The following PCSK6 variants were observed in gnomAD, a reference collection of about 807,000 sequenced individuals.
The protein encoded by PCSK6 is paired basic amino acid cleaving enzyme 4.
In PCSK6, 85 loss-of-function variants were observed where a neutral mutation model predicts 123.3. The ratio of observed to expected loss-of-function variants is 0.69; its 90% confidence interval spans 0.58 to 0.83. The LOEUF is 0.83. Ranked by LOEUF, PCSK6 falls within the 40% of genes least tolerant of loss-of-function variation. PCSK6 has a pLI of 0.00. For missense variants in PCSK6, 1,191 were observed against 1,282.3 expected (o/e 0.93, Z 1.09); for synonymous variants, 508 against 516.0 (o/e 0.98, Z 0.21).
In PCSK6 at chr15:101,309,863, A is replaced by AT. The variant is rs1409537079; in HGVS notation, c.2700-2539dup. ...CCCTCTCTTAGGGAACTTATCGTGC[A>AT]TTGTTCTCAGCGTCGGGCCTCGGCC... On this transcript the variant is annotated intron_variant, in intron 20 of 21. Transcript: ENST00000611716. Among the ~76,000 whole-genome samples the AT allele has an allele frequency of 2.0e-5, 3 of 151,688 alleles. No homozygotes were observed. In the East Asian group the frequency reaches 5.8e-4, roughly 29 times the overall value.
At chr15:101,486,294 G>A (rs747983462) in intron 1 of PCSK6, among the ~76,000 whole-genome samples, 1 of 152,098 alleles carries the variant, frequency 6.6e-6, no homozygotes, top group Admixed American at 6.6e-5. Context: ...AATATTTTAT[G>A]TTTCTCTATA....
intron 7 of PCSK6, among the ~76,000 whole-genome samples, chr15:101,396,252 G>T (rs570457081): frequency 3.3e-4 from 50 of 152,268 alleles, no homozygotes; most frequent in African/African-American, 1.2e-3. Context: ...CTGACAGCTG[G>T]ATGAAACCAA....
chr15:101,454,483 G>A (rs974640469), intron 1 of PCSK6, among the ~76,000 whole-genome samples: 10 of 152,280 alleles, frequency 6.6e-5, no homozygotes, highest in African/African-American at 9.6e-5. Context: ...CAACACAGAT[G>A]AGCCTGGAGG....
intron 2 of PCSK6, among the ~76,000 whole-genome samples, chr15:101,438,256 T>A (rs1044876250): frequency 1.3e-5 from 2 of 152,238 alleles, no homozygotes; most frequent in Non-Finnish European, 2.9e-5. Context: ...ACCTCTGTTA[T>A]TTTAGCTTCA....
intron 11 of PCSK6, among the ~76,000 whole-genome samples, chr15:101,378,622 G>A (rs1436609088): frequency 6.6e-6 from 1 of 152,208 alleles, no homozygotes; most frequent in Non-Finnish European, 1.5e-5. Context: ...ACGATCCCGT[G>A]GTACCTTGGA....
At chr15:101,317,179 C>G (rs984444118) in intron 19 of PCSK6, among the ~76,000 whole-genome samples, 1 of 152,034 alleles carries the variant, frequency 6.6e-6, no homozygotes, top group Non-Finnish European at 1.5e-5. Context: ...CCCAAAGTGC[C>G]GGGATTACAG....
intron 6 of PCSK6, among the ~76,000 whole-genome samples, chr15:101,411,058 A>G (rs1304129583): frequency 6.6e-6 from 1 of 152,240 alleles, no homozygotes; most frequent in Admixed American, 6.5e-5. Context: ...AATAAAACTT[A>G]GAACGAACAA....
chr15:101,390,997 G>C (rs2042218625), intron 8 of PCSK6, among the ~76,000 whole-genome samples: 1 of 147,520 alleles, frequency 6.8e-6, no homozygotes, highest in African/African-American at 2.5e-5. Flanking sequence ...ATCCTCTTCC[G>C]AACTCAGCAC....
At chr15:101,378,265 C>T (rs1225089293) in intron 11 of PCSK6, among the ~76,000 whole-genome samples, 1 of 152,222 alleles carries the variant, frequency 6.6e-6, no homozygotes, top group East Asian at 1.9e-4. Flanking sequence ...GTTTAATTGA[C>T]AAAGGTTCTA....
chr15:101,391,492 C>T (rs1474379512), intron 8 of PCSK6, among the ~76,000 whole-genome samples: 2 of 152,228 alleles, frequency 1.3e-5, no homozygotes, highest in African/African-American at 4.8e-5. Flanking sequence ...ACGCCTGGGA[C>T]ACAGCTCGTG....
intron 13 of PCSK6, among the ~76,000 whole-genome samples, chr15:101,355,623 G>T (rs2041014043): frequency 6.6e-6 from 1 of 152,248 alleles, no homozygotes; most frequent in Non-Finnish European, 1.5e-5. Flanking sequence ...TGCAGACAAG[G>T]TAAGTGTGTG....
intron 1 of PCSK6, among the ~76,000 whole-genome samples, chr15:101,477,761 G>A (rs1215722087): frequency 2.0e-5 from 3 of 152,164 alleles, no homozygotes; most frequent in Non-Finnish European, 4.4e-5. Flanking sequence ...CTCCTCTTGG[G>A]ATCTGGTTCT....
chr15:101,479,862 A>G lies in PCSK6; in HGVS notation c.297+9512T>C, dbSNP rs537341639. On this transcript the variant is annotated intron_variant, in intron 1 of 21. Coordinates refer to ENST00000611716, the MANE Select transcript of PCSK6 (RefSeq NM_002570.5). ...TTGGGCCTTTTGAAGGCAAGAAGGA[A>G]GCTCTTGTAAGTGACCACTGCTGGG... Among the ~76,000 whole-genome samples the G allele has an allele frequency of 1.3e-3, 202 of 152,316 alleles. 2 individuals carry two copies. Among genetic ancestry groups the G allele is most frequent in the African/African-American group, 4.7e-3 (195 of 41,584 alleles).
intron 2 of PCSK6, among the ~76,000 whole-genome samples, chr15:101,442,158 C>T (rs1010108363): frequency 2.0e-5 from 3 of 152,170 alleles, no homozygotes; most frequent in South Asian, 2.1e-4. Context: ...CACAAGTAGA[C>T]GTAATCTCAC....
chr15:101,451,906 A>G (rs1596347754), intron 1 of PCSK6, among the ~76,000 whole-genome samples: 1 of 152,258 alleles, frequency 6.6e-6, no homozygotes. Flanking sequence ...ACCTATATTT[A>G]GCCAGCACTG....
intron 7 of PCSK6, among the ~76,000 whole-genome samples, chr15:101,397,155 G>A (rs1016560812): frequency 2.6e-5 from 4 of 152,102 alleles, no homozygotes; most frequent in Non-Finnish European, 4.4e-5. Flanking sequence ...CAGGGCTAGG[G>A]GTCTCCTGAG....
chr15:101,364,961 C>T (rs1242467200), intron 13 of PCSK6: 4 of 776,300 alleles, frequency 5.2e-6, no homozygotes, highest in East Asian at 2.4e-5. Flanking sequence ...GATAGATATA[C>T]AGACCAATGG....
intron 1 of PCSK6, among the ~76,000 whole-genome samples, chr15:101,463,226 A>T (rs1205332863): frequency 6.6e-6 from 1 of 152,092 alleles, no homozygotes; most frequent in East Asian, 1.9e-4. Flanking sequence ...GGAAACAGAA[A>T]ATGGGAGAGA....
At chr15:101,396,826 G>A (rs1049286225) in intron 7 of PCSK6, among the ~76,000 whole-genome samples, 3 of 152,124 alleles carry the variant, frequency 2.0e-5, no homozygotes, top group African/African-American at 7.2e-5. Flanking sequence ...TGCTGTGTGC[G>A]TGCGTGTGTG....
Sources: gnomAD v4.1 joint callset for allele counts (sites outside exome capture counted in the v4.1 genomes callset) on GRCh38, gnomAD v4.1.1 for gene constraint, MANE v1.5 for transcripts, NCBI Gene and HGNC (gene_info 2026-07-23, HGNC 2026-07-21) for gene names.